UNC79: variants seen among roughly 807,000 people sequenced by gnomAD.
The protein encoded by UNC79 is unc-79 subunit of NALCN channel complex.
Under a neutral mutation model 283.1 loss-of-function variants are expected in UNC79, and 37 were observed. The ratio of observed to expected loss-of-function variants is 0.13; its 90% confidence interval spans 0.10 to 0.17. The LOEUF is 0.17. Among genes scored for constraint, UNC79 ranks in the 10% least tolerant of loss-of-function variants. The pLI is 1.00. For missense variants in UNC79, 2,272 were observed against 3,211.1 expected (o/e 0.71, Z 7.07); for synonymous variants, 1,107 against 1,200.2 (o/e 0.92, Z 1.61).
intron 14 of UNC79, among the ~76,000 whole-genome samples, chr14:93,559,977 G>A (rs1012927629): frequency 1.2e-4 from 19 of 152,026 alleles, no homozygotes; most frequent in African/African-American, 3.1e-4. Context: ...GATTAGGGGC[G>A]GCTTGGGAAC....
intron 48 of UNC79, 144 bp from the exon 52 acceptor site, chr14:93,706,560 G>A: frequency 1.2e-6 from 1 of 855,660 alleles, no homozygotes; most frequent in Non-Finnish European, 1.8e-6. Context: ...CCTGGGCACT[G>A]CCAGAGTAGA....
chr14:93,478,359 T>A (rs2057923541), intron 4 of UNC79, among the ~76,000 whole-genome samples: 1 of 152,222 alleles, frequency 6.6e-6, no homozygotes, highest in Non-Finnish European at 1.5e-5. Flanking sequence ...AGACTTAATC[T>A]TACAGGCTTT....
At chr14:93,497,320 G>A in intron 7 of UNC79, 34 bp downstream of exon 7, 1 of 1,599,914 alleles carries the variant, frequency 6.3e-7, no homozygotes, top group Non-Finnish European at 8.5e-7. Context: ...TGCCCCATCT[G>A]TATTTCTCCT....
At chr14:93,380,317 G>A (rs951206652) in intron 1 of UNC79, among the ~76,000 whole-genome samples, 1 of 152,128 alleles carries the variant, frequency 6.6e-6, no homozygotes, top group Non-Finnish European at 1.5e-5. Context: ...CATATATGTA[G>A]TAAAAAGTAT....
At chr14:93,630,354 G>A (rs1360136636) in intron 30 of UNC79, among the ~76,000 whole-genome samples, 1 of 152,204 alleles carries the variant, frequency 6.6e-6, no homozygotes, top group Non-Finnish European at 1.5e-5. Context: ...AGAGGTTGTA[G>A]AAGCCTCCCT....
intron 26 of UNC79, among the ~76,000 whole-genome samples, chr14:93,608,787 TTA>T (rs2066077713): frequency 6.6e-6 from 1 of 152,234 alleles, no homozygotes. Context: ...CTTTGGGACT[TTA>T]TCAATTTTTC....
intron 7 of UNC79, among the ~76,000 whole-genome samples, chr14:93,509,701 C>G (rs745527128): frequency 1.3e-5 from 2 of 152,126 alleles, no homozygotes; most frequent in Non-Finnish European, 2.9e-5. Flanking sequence ...CCTTGGGCAG[C>G]TCTGCCCCTG....
At chr14:93,513,679 G>C (rs8019047) in intron 7 of UNC79, among the ~76,000 whole-genome samples, 130,379 of 152,130 alleles carry the variant, frequency 0.86, 56,014 homozygotes, top group East Asian at 0.93. Context: ...ATTTCAAGTC[G>C]TCTCTTCTAG....
chr14:93,563,438 T>A (rs2062683709), intron 14 of UNC79, among the ~76,000 whole-genome samples: 1 of 152,200 alleles, frequency 6.6e-6, no homozygotes, highest in Non-Finnish European at 1.5e-5. Context: ...TCAGCCTATA[T>A]AACAGCATGG....
At chr14:93,687,474 C>A (rs892118455) in intron 43 of UNC79, among the ~76,000 whole-genome samples, 5 of 152,152 alleles carry the variant, frequency 3.3e-5, no homozygotes, top group Middle Eastern at 3.2e-3. Context: ...GTCCAAGGAG[C>A]AGCCAAATTG....
chr14:93,592,454 G>A (rs965040332), intron 22 of UNC79, among the ~76,000 whole-genome samples: 4 of 152,072 alleles, frequency 2.6e-5, no homozygotes, highest in Non-Finnish European at 5.9e-5. Context: ...GATTACAGGC[G>A]TGAGCCACTG....
chr14:93,621,251 A>G lies in UNC79; in HGVS notation c.4388-370A>G, dbSNP rs1437921272. On this transcript the variant is annotated intron_variant, in intron 29 of 48. Transcript: ENST00000555664. The surrounding 1 kb of genome is among the most constrained non-coding windows in gnomAD (Gnocchi z 4.8). ...AATGTCATGATCGTCTTTGAGAGCC[A>G]TTGCTTGATTTGATTTGTTGCAAAA... 2.0e-5 allele frequency among the ~76,000 whole-genome samples: 3 copies of G among 152,084 alleles called. No individual in the cohort carries two copies. The South Asian group carries it at 6.2e-4, about 32-fold the overall frequency.
intron 47 of UNC79, among the ~76,000 whole-genome samples, chr14:93,698,476 G>GTTTTTTTTTTTTTTTTTT (rs71129655): frequency 1.3e-5 from 1 of 79,112 alleles, no homozygotes; most frequent in African/African-American, 4.0e-5. Context: ...TTTAGTTTAG[G>GTTTTTTTTTTTTTTTTTT]TTTTTTTTTT....
intron 1 of UNC79, among the ~76,000 whole-genome samples, chr14:93,460,160 C>T (rs1239904332): frequency 1.5e-5 from 2 of 129,132 alleles, no homozygotes; most frequent in East Asian, 4.5e-4. Context: ...AACCCCGTCT[C>T]GCCACTGTAC....
intron 14 of UNC79, among the ~76,000 whole-genome samples, chr14:93,551,189 A>G (rs998361820): frequency 1.3e-5 from 2 of 152,080 alleles, no homozygotes; most frequent in African/African-American, 2.4e-5. Context: ...AGCTGGGACT[A>G]CAGGCGCCCG....
intron 1 of UNC79, among the ~76,000 whole-genome samples, chr14:93,423,459 A>G (rs2055654189): frequency 6.6e-6 from 1 of 152,250 alleles, no homozygotes; most frequent in Admixed American, 6.5e-5. Context: ...CCTGACTTCA[A>G]CTTACACTAC....
chr14:93,477,479 T>A, intron 3 of UNC79, 79 bp from the exon 4 acceptor site: 1 of 1,249,478 alleles, frequency 8.0e-7, no homozygotes, highest in Non-Finnish European at 1.1e-6. Flanking sequence ...ACCAGTTCAT[T>A]AAAGCTTAAA....
intron 1 of UNC79, among the ~76,000 whole-genome samples, chr14:93,384,953 GT>G: frequency 6.6e-6 from 1 of 152,146 alleles, no homozygotes; most frequent in Non-Finnish European, 1.5e-5. Context: ...TTTCCCCAAT[GT>G]ATGTTCTTGG....
At chr14:93,416,031 T>C (rs2140059282) in intron 1 of UNC79, among the ~76,000 whole-genome samples, 1 of 151,552 alleles carries the variant, frequency 6.6e-6, no homozygotes, top group South Asian at 2.1e-4. Context: ...TCAGTTCTGC[T>C]CTGATTTTAG....
Sources: allele counts gnomAD v4.1 joint callset (sites outside exome capture counted in the v4.1 genomes callset), GRCh38; gene constraint gnomAD v4.1.1; non-coding constraint Gnocchi (gnomAD v3.1); transcripts MANE v1.5; gene names NCBI Gene and HGNC (gene_info 2026-07-23, HGNC 2026-07-21).